PLCH1: variants seen among roughly 807,000 people sequenced by gnomAD.
The protein encoded by PLCH1 is 1-phosphatidylinositol 4,5-bisphosphate phosphodiesterase eta-1.
A neutral mutation model predicts 126.7 loss-of-function variants in PLCH1; 60 were observed. That is an observed-to-expected ratio of 0.47 (90% confidence interval 0.38 to 0.59). The LOEUF (loss-of-function observed/expected upper bound fraction) is 0.59, where lower values mean the gene tolerates loss of function less well. Ranked by LOEUF, PLCH1 falls within the 20% of genes least tolerant of loss-of-function variation. The pLI is 0.00. For missense variants in PLCH1, 1,723 were observed against 2,040.0 expected, an observed-to-expected ratio of 0.84 and a Z score of 2.99; for synonymous variants, 719 against 734.9, an observed-to-expected ratio of 0.98 and a Z score of 0.35.
intron 2 of PLCH1, among the ~76,000 whole-genome samples, chr3:155,646,615 CCTT>C (rs1740090701): frequency 6.6e-6 from 1 of 152,146 alleles, no homozygotes; most frequent in South Asian, 2.1e-4. Context: ...CTAGGAATAA[CCTT>C]CTTTTTATCC....
At chr3:155,625,419 T>C (rs1737107010) in intron 2 of PLCH1, among the ~76,000 whole-genome samples, 2 of 152,128 alleles carry the variant, frequency 1.3e-5, no homozygotes, top group African/African-American at 4.8e-5. Flanking sequence ...AAAGAGCTTC[T>C]ACACAGCAAA....
intron 8 of PLCH1, among the ~76,000 whole-genome samples, chr3:155,563,213 A>G (rs1257886316): frequency 6.6e-6 from 1 of 151,976 alleles, no homozygotes; most frequent in Non-Finnish European, 1.5e-5. Context: ...GATCTTGTAC[A>G]CTTCCATGAT....
intron 21 of PLCH1, among the ~76,000 whole-genome samples, chr3:155,486,513 GTTTTTTTTTT>G (rs397733786): frequency 9.8e-6 from 1 of 102,032 alleles, no homozygotes; most frequent in African/African-American, 4.3e-5. Flanking sequence ...GCTCAAGTTT[GTTTTTTTTTT>G]TTTTTTTTTT....
intron 2 of PLCH1, chr3:155,657,733 C>G (rs6808225): frequency 0.16 from 23,835 of 152,144 alleles, 1,940 homozygotes; most frequent in Middle Eastern, 0.22. Context: ...ATATAGTAAA[C>G]AATACCTTGC....
intron 2 of PLCH1, among the ~76,000 whole-genome samples, chr3:155,637,188 A>T (rs1276225300): frequency 6.6e-6 from 1 of 152,234 alleles, no homozygotes; most frequent in Non-Finnish European, 1.5e-5. Flanking sequence ...ATACAGTCTG[A>T]ACATTGTAAA....
rs139517953 is a variant in PLCH1 at position 155,640,528 on chromosome 3, G to A, written c.80-44150C>T. Reference sequence around the variant, plus strand: ...TAGAGAATGGGTTAGAATGGAGGAAGATTGCAATTAGGAGGCTTTTGTGGT... The same window carrying A: ...TAGAGAATGGGTTAGAATGGAGGAAAATTGCAATTAGGAGGCTTTTGTGGT... On this transcript the variant is annotated intron_variant, in intron 2 of 22. Coordinates refer to ENST00000460012, the MANE Select transcript of PLCH1 (RefSeq NM_014996.4). Among the ~76,000 whole-genome samples, 363 of 152,348 alleles carry A rather than the reference G, an allele frequency of 2.4e-3. 3 individuals are homozygous for A. The highest frequency in any genetic ancestry group is 8.1e-3 in the African/African-American group (335 of 41,576).
chr3:155,640,505 G>A (rs1367717341), intron 2 of PLCH1, among the ~76,000 whole-genome samples: 3 of 152,224 alleles, frequency 2.0e-5, no homozygotes, highest in African/African-American at 7.2e-5. Context: ...GCTGAAAGTA[G>A]AGAATGGGTT....
Position 155,584,339 on chromosome 3 carries a change from A to G in PLCH1, c.601-697T>C, listed in dbSNP as rs115845782. 5.0e-3 allele frequency among the ~76,000 whole-genome samples: 768 copies of G among 152,374 alleles called. 8 individuals carry two copies. Among genetic ancestry groups the G allele is most frequent in the African/African-American group, 0.018 (732 of 41,592 alleles). ...CAATCAAATGTAATTTTTACCTATGAGAGAATCTCTCTTAATTCTCCAAAG... is the reference window on the plus strand; with the variant it reads ...CAATCAAATGTAATTTTTACCTATGGGAGAATCTCTCTTAATTCTCCAAAG... On this transcript the variant is annotated intron_variant, in intron 5 of 22. Coordinates refer to ENST00000460012, the MANE Select transcript of PLCH1 (RefSeq NM_014996.4).
chr3:155,626,806 AGAT>A (rs1737358354), intron 2 of PLCH1, among the ~76,000 whole-genome samples: 3 of 150,356 alleles, frequency 2.0e-5, no homozygotes, highest in South Asian at 2.1e-4. Flanking sequence ...AAAAGGAAAA[AGAT>A]GATAAGTTTA....
At chr3:155,702,199 T>C (rs1257232340) in intron 2 of PLCH1, among the ~76,000 whole-genome samples, 1 of 152,170 alleles carries the variant, frequency 6.6e-6, no homozygotes, top group Non-Finnish European at 1.5e-5. Context: ...GCCTCAAAAA[T>C]CATTGAGACC....
At chr3:155,473,257 A>G (rs1328969869) in intron 21 of PLCH1, among the ~76,000 whole-genome samples, 1 of 151,220 alleles carries the variant, frequency 6.6e-6, no homozygotes, top group African/African-American at 2.4e-5. Context: ...CAATGTACAA[A>G]AATCACAAGC....
chr3:155,641,194 T>TAA (rs567719881), intron 2 of PLCH1, among the ~76,000 whole-genome samples: 1 of 142,806 alleles, frequency 7.0e-6, no homozygotes. Flanking sequence ...TTTTCAACGT[T>TAA]AAAAAAAAAA....
At chr3:155,629,319 C>G (rs1329904009) in intron 2 of PLCH1, among the ~76,000 whole-genome samples, 17 of 152,160 alleles carry the variant, frequency 1.1e-4, no homozygotes, top group Admixed American at 1.1e-3. Flanking sequence ...TCTACACCAT[C>G]CTAAGCAATG....
chr3:155,677,806 G>A (rs563495601), intron 2 of PLCH1, among the ~76,000 whole-genome samples: 91 of 152,192 alleles, frequency 6.0e-4, no homozygotes, highest in Non-Finnish European at 1.1e-3. Context: ...TTAGTGGTCC[G>A]AACACAAGAT....
chr3:155,741,684 C>CTTTTATTTTTTTTTTTTTTTTTTTTTT lies in PLCH1; in HGVS notation c.-41+3155_-41+3156insAAAAAAAAAAAAAAAAAAAAAATAAAA. ...TCCTTTTATCATAATTTTATATCCTCTTTTTTTTTTTTTTTTTTTTGTTCA... is the reference window on the plus strand; with the variant it reads ...TCCTTTTATCATAATTTTATATCCTCTTTTATTTTTTTTTTTTTTTTTTTTTTTTTTTTTTTTTTTTTTTTTTGTTCA... On this transcript the variant is annotated intron_variant, in intron 1 of 22. Transcript: ENST00000460012. Among the ~76,000 whole-genome samples the CTTTTATTTTTTTTTTTTTTTTTTTTTT allele has an allele frequency of 4.4e-4, 45 of 102,864 alleles. 2 individuals carry two copies. Among genetic ancestry groups the CTTTTATTTTTTTTTTTTTTTTTTTTTT allele is most frequent in the African/African-American group, 2.1e-3 (43 of 20,898 alleles). The allele number at this position is 102,864 out of a possible 152,430, so 67.5% of individuals were successfully genotyped here. A position where few individuals can be genotyped will look rare whatever the true frequency, so the allele number is the denominator to read the frequency against.
intron 21 of PLCH1, among the ~76,000 whole-genome samples, chr3:155,470,953 T>G (rs1232767805): frequency 1.3e-5 from 2 of 151,938 alleles, no homozygotes; most frequent in Non-Finnish European, 2.9e-5. Context: ...GAACAACCAG[T>G]ACCAGCTACT....
downstream of PLCH1, among the ~76,000 whole-genome samples, chr3:155,474,985 A>C (rs1175269799): frequency 7.2e-6 from 1 of 139,742 alleles, no homozygotes; most frequent in Non-Finnish European, 1.5e-5. Flanking sequence ...CTAGATGACG[A>C]GTTAGTGGGT....
chr3:155,550,044 G>A, intron 9 of PLCH1, 86 bp from the exon 10 acceptor site: 1 of 908,398 alleles, frequency 1.1e-6, no homozygotes, highest in Non-Finnish European at 1.7e-6. Flanking sequence ...TCACTGTGTT[G>A]TTACAATCCT....
At chr3:155,592,635 G>C (rs1732359640) in intron 4 of PLCH1, among the ~76,000 whole-genome samples, 1 of 152,194 alleles carries the variant, frequency 6.6e-6, no homozygotes, top group African/African-American at 2.4e-5. Flanking sequence ...GGTGAGAATG[G>C]CAGGACCTGG....
Sources: allele counts gnomAD v4.1 joint callset (sites outside exome capture counted in the v4.1 genomes callset), GRCh38; gene constraint gnomAD v4.1.1; transcripts MANE v1.5; gene names NCBI Gene and HGNC (gene_info 2026-07-23, HGNC 2026-07-21).